Variants in PCDHGA8 observed in about 807,000 individuals in gnomAD.
PCDHGA8 encodes protocadherin gamma subfamily A, 8.
In PCDHGA8, 45 loss-of-function variants were observed where a neutral mutation model predicts 59.2. The ratio of observed to expected loss-of-function variants is 0.76; its 90% confidence interval spans 0.60 to 0.98. The LOEUF (loss-of-function observed/expected upper bound fraction) is 0.98, where lower values mean the gene tolerates loss of function less well. PCDHGA8 is among the 50% of genes least tolerant of loss of function. The pLI is 0.00. For missense variants in PCDHGA8, 1,257 were observed against 1,196.2 expected (o/e 1.05, Z -0.75); for synonymous variants, 531 against 519.0 (o/e 1.02, Z -0.32).
In PCDHGA8 at chr5:141,392,880, C is replaced by G. The variant is rs779595460; in HGVS notation, c.67C>G (p.Leu23Val). 3.1e-6 allele frequency: 5 copies of G among 1,613,564 alleles called. No homozygotes were observed. Among genetic ancestry groups the G allele is most frequent in the Non-Finnish European group, 2.5e-6 (3 of 1,179,844 alleles). ...LILLCALLGTLWEIGRGQIRY... is the reference protein window; with the variant it reads ...LILLCALLGTVWEIGRGQIRY... ...CCTGCTGTGCGCGCTGCTGGGAACG[C>G]TGTGGGAAATCGGGAGGGGACAGAT... The change falls in exon 1 of 4, where the codon CTG becomes GTG. Residue 23 changes from leucine to valine, a missense_variant. Coordinates refer to ENST00000398604, the MANE Select transcript of PCDHGA8 (RefSeq NM_032088.2).
chr5:141,419,275 G>A, intron 1 of PCDHGA8: 26 of 1,613,974 alleles, frequency 1.6e-5, no homozygotes, highest in Non-Finnish European at 2.2e-5. Flanking sequence ...CCTCCATAGC[G>A]CAAGTCAGTG....
chr5:141,497,100 T>A (rs886445893), intron 2 of PCDHGA8, among the ~76,000 whole-genome samples: 2 of 151,774 alleles, frequency 1.3e-5, no homozygotes, highest in Non-Finnish European at 2.9e-5. Context: ...GAGGCAGAAC[T>A]GCTTGAACCC....
chr5:141,432,874 G>A lies in PCDHGA8; in HGVS notation c.2424+37637G>A, dbSNP rs2097545539. 2 of 1,614,176 alleles carry A rather than the reference G, an allele frequency of 1.2e-6. No homozygotes were observed. The highest frequency in any genetic ancestry group is 1.7e-6 in the Non-Finnish European group (2 of 1,180,014). Reference sequence around the variant, plus strand: ...TGGCCGCGGTCTCCTGCGTCTTCCTGGCCTTCGTCATCTTGCTGCTGGCGC... The same window carrying A: ...TGGCCGCGGTCTCCTGCGTCTTCCTAGCCTTCGTCATCTTGCTGCTGGCGC... On this transcript the variant is annotated intron_variant, in intron 1 of 3. Transcript: ENST00000398604. This position sits in a 1 kb window ranked among gnomAD's most constrained non-coding sequence, Gnocchi z 6.0.
At chr5:141,506,130 GAGA>G (rs560751517) in intron 3 of PCDHGA8, among the ~76,000 whole-genome samples, 2 of 152,170 alleles carry the variant, frequency 1.3e-5, no homozygotes, top group Admixed American at 1.3e-4. Context: ...CCCAGAGCAG[GAGA>G]AGAAGAATAT....
chr5:141,444,545 C>G (rs1346405150), intron 1 of PCDHGA8, among the ~76,000 whole-genome samples: 1 of 152,042 alleles, frequency 6.6e-6, no homozygotes, highest in Non-Finnish European at 1.5e-5. Context: ...GTCTAGTGAG[C>G]AAAAGGCACT....
intron 1 of PCDHGA8, chr5:141,398,862 C>T (rs771326288): frequency 1.9e-5 from 31 of 1,613,848 alleles, no homozygotes; most frequent in Non-Finnish European, 2.6e-5. Flanking sequence ...TCAACCGAGA[C>T]GTGTACAGAG....
intron 1 of PCDHGA8, among the ~76,000 whole-genome samples, chr5:141,436,389 TTAAA>T (rs1385837876): frequency 6.6e-6 from 1 of 152,212 alleles, no homozygotes; most frequent in Non-Finnish European, 1.5e-5. Context: ...ATAGGCTTTA[TTAAA>T]TAGTTGTTGA....
chr5:141,464,263 TAAA>T (rs35224477), intron 1 of PCDHGA8, among the ~76,000 whole-genome samples: 2 of 103,604 alleles, frequency 1.9e-5, no homozygotes, highest in Non-Finnish European at 1.9e-5. Flanking sequence ...AGACTCCGTC[TAAA>T]AAAAAAAAAA....
intron 1 of PCDHGA8, chr5:141,433,132 T>A (rs1168186406): frequency 6.2e-7 from 1 of 1,614,122 alleles, no homozygotes; most frequent in Non-Finnish European, 8.5e-7. Context: ...GCGAGCCCCT[T>A]TTGCTGTCAG....
At chr5:141,445,900 T>C (rs2098480876) in intron 1 of PCDHGA8, among the ~76,000 whole-genome samples, 1 of 152,224 alleles carries the variant, frequency 6.6e-6, no homozygotes, top group African/African-American at 2.4e-5. Flanking sequence ...TATTAAAATA[T>C]TTTAAACAAG....
At chr5:141,405,226 C>T (rs756970325) in intron 1 of PCDHGA8, 6 of 1,613,934 alleles carry the variant, frequency 3.7e-6, no homozygotes, top group Admixed American at 3.3e-5. Context: ...AGGAGTTCTC[C>T]CTCACCGCTG....
chr5:141,453,524 C>T (rs1351750021), intron 1 of PCDHGA8, among the ~76,000 whole-genome samples: 1 of 152,060 alleles, frequency 6.6e-6, no homozygotes, highest in Non-Finnish European at 1.5e-5. Flanking sequence ...TCCCCTATAC[C>T]TTCTGCCTCA....
In PCDHGA8 at chr5:141,404,306, T is replaced by C. The variant is rs200297928; in HGVS notation, c.2424+9069T>C. 1,450 of 1,613,824 alleles carry C rather than the reference T, an allele frequency of 9.0e-4. 2 individuals carry two copies. Among genetic ancestry groups the C allele is most frequent in the Admixed American group, 2.4e-3 (143 of 60,004 alleles). ...TGACATCAATGATAATCCACCTGCT[T>C]TCTCTCAAGCCTCCTACTCAGTCTA... On this transcript the variant is annotated intron_variant, in intron 1 of 3. Coordinates refer to ENST00000398604, the MANE Select transcript of PCDHGA8 (RefSeq NM_032088.2).
chr5:141,395,341 G>C, intron 1 of PCDHGA8, 104 bp downstream of exon 1: 1 of 1,409,696 alleles, frequency 7.1e-7, no homozygotes. Context: ...AATTTTTAAG[G>C]TGTATCACAG....
At chr5:141,510,795 G>A in intron 3 of PCDHGA8, 152 bp from the exon 4 acceptor site, 6 of 1,465,214 alleles carry the variant, frequency 4.1e-6, no homozygotes, top group Non-Finnish European at 5.5e-6. Context: ...CTTGTGAAGA[G>A]AGACTACCTT....
At chr5:141,474,106 A>G (rs1334111464) in intron 1 of PCDHGA8, among the ~76,000 whole-genome samples, 1 of 152,108 alleles carries the variant, frequency 6.6e-6, no homozygotes, top group African/African-American at 2.4e-5. Flanking sequence ...CAACAAAAAC[A>G]ACAACAACGA....
chr5:141,394,689 G>A lies in PCDHGA8; in HGVS notation c.1876G>A (p.Val626Met), dbSNP rs1354749268. Residue 626 changes from valine (V) to methionine (M), a missense_variant, in exon 1 of 4, where the codon GTG (valine) becomes ATG (methionine). By Grantham distance (21) the Val-to-Met change is conservative. Transcript: ENST00000398604. ...LFSVGLHTGE[V>M]RTARALLDRD... The stretch of plus-strand genomic sequence containing the variant: ...CTCGGTGGGTCTGCACACGGGCGAG[G>A]TGCGCACGGCGCGAGCCCTGCTGGA... The A allele has an allele frequency of 2.5e-6, 4 of 1,612,344 alleles. No individual in the cohort carries two copies. Among genetic ancestry groups the A allele is most frequent in the Non-Finnish European group, 3.4e-6 (4 of 1,179,678 alleles).
At position 141,477,830 on chromosome 5, in the gene PCDHGA8, C is replaced by T; in HGVS notation, c.2425-16977C>T. ...TGCCCCCCAGGTCCTATATCCTCGG[C>T]CAGGTGGGAGCTCGGTGGAGATGCT... is the stretch of plus-strand genomic sequence containing the variant. On this transcript the variant is annotated intron_variant, in intron 1 of 3. Transcript: ENST00000398604. The surrounding 1 kb of genome is among the most constrained non-coding windows in gnomAD (Gnocchi z 4.9). 1 of 1,614,170 alleles carries T rather than the reference C, an allele frequency of 6.2e-7. No individual in the cohort carries two copies. Among genetic ancestry groups the T allele is most frequent in the Non-Finnish European group, 8.5e-7 (1 of 1,180,038 alleles).
At chr5:141,398,797 G>A (rs1338071296) in intron 1 of PCDHGA8, 2 of 1,613,898 alleles carry the variant, frequency 1.2e-6, no homozygotes, top group South Asian at 1.1e-5. Flanking sequence ...ACCCCTAAGC[G>A]GCACCACTGA....
Sources: allele counts gnomAD v4.1 joint callset (sites outside exome capture counted in the v4.1 genomes callset), GRCh38; gene constraint gnomAD v4.1.1; non-coding constraint Gnocchi (gnomAD v3.1); transcripts MANE v1.5; gene names NCBI Gene and HGNC (gene_info 2026-07-23, HGNC 2026-07-21).